PACSIN2: variants seen among roughly 807,000 people sequenced by gnomAD.
PACSIN2 encodes protein kinase C and casein kinase substrate in neurons 2, also known as protein kinase C and casein kinase substrate in neurons protein 2.
PACSIN2 carries 25 observed loss-of-function variants against 63.8 expected under a neutral mutation model. The ratio of observed to expected loss-of-function variants is 0.39; its 90% CI spans 0.29 to 0.55. PACSIN2 has a LOEUF of 0.55. PACSIN2 is among the 20% of genes least tolerant of loss of function. The pLI is 0.62. For synonymous variants in PACSIN2, 255 were observed against 256.2 expected (o/e 1.00, Z 0.05); for missense variants, 518 against 646.9 (o/e 0.80, Z 2.16).
chr22:42,879,595 C>T (rs1431236373), intron 7 of PACSIN2, among the ~76,000 whole-genome samples: 2 of 152,188 alleles, frequency 1.3e-5, no homozygotes, highest in Admixed American at 6.5e-5. Flanking sequence ...GCTGAGCCTC[C>T]CAAAGTAGAC....
intron 1 of PACSIN2, among the ~76,000 whole-genome samples, chr22:42,968,032 G>T (rs541524779): frequency 3.3e-5 from 5 of 152,314 alleles, no homozygotes; most frequent in Non-Finnish European, 7.3e-5. Context: ...TTGCAAGGTG[G>T]GAGTACTGCG....
chr22:42,917,713 C>T (rs1177523260), intron 1 of PACSIN2, among the ~76,000 whole-genome samples: 3 of 152,162 alleles, frequency 2.0e-5, no homozygotes, highest in East Asian at 1.9e-4. Flanking sequence ...CACAGTCTGT[C>T]GATCTTGGCC....
intron 2 of PACSIN2, among the ~76,000 whole-genome samples, chr22:42,901,183 T>A (rs1012494318): frequency 1.3e-5 from 2 of 151,754 alleles, no homozygotes; most frequent in Non-Finnish European, 2.9e-5. Flanking sequence ...AGAGGAAGGG[T>A]CAAGGGTGAG....
intron 1 of PACSIN2, among the ~76,000 whole-genome samples, chr22:42,978,589 A>G (rs1921864667): frequency 6.6e-6 from 1 of 152,200 alleles, no homozygotes; most frequent in Non-Finnish European, 1.5e-5. Context: ...AGCAGAAAGC[A>G]GGAAGGTTTC....
chr22:42,893,393 C>T, intron 3 of PACSIN2, 64 bp downstream of exon 3: 1 of 1,535,804 alleles, frequency 6.5e-7, no homozygotes, highest in Non-Finnish European at 8.9e-7. Flanking sequence ...TCACAACGTG[C>T]CCAGAGCCCC....
At chr22:42,937,406 C>T (rs192064374) in intron 1 of PACSIN2, among the ~76,000 whole-genome samples, 4 of 152,056 alleles carry the variant, frequency 2.6e-5, no homozygotes, top group East Asian at 3.9e-4. Context: ...CCCAGGCAGG[C>T]GGCAGTAGAA....
chr22:42,923,152 T>C (rs738384), intron 1 of PACSIN2, among the ~76,000 whole-genome samples: 51,352 of 152,170 alleles, frequency 0.34, 10,332 homozygotes, highest in Non-Finnish European at 0.45. Flanking sequence ...TTTGTACCCA[T>C]GCTACTGGTT....
At chr22:42,945,019 A>G (rs1352013351) in intron 1 of PACSIN2, among the ~76,000 whole-genome samples, 1 of 151,488 alleles carries the variant, frequency 6.6e-6, no homozygotes, top group Non-Finnish European at 1.5e-5. Flanking sequence ...AATCACTTGA[A>G]CCTGGGAGGC....
chr22:42,916,222 C>T (rs866138293), intron 1 of PACSIN2, among the ~76,000 whole-genome samples: 8 of 152,294 alleles, frequency 5.3e-5, no homozygotes, highest in Non-Finnish European at 8.8e-5. Flanking sequence ...TGTTCTTGGC[C>T]GGCACCCTGG....
intron 1 of PACSIN2, among the ~76,000 whole-genome samples, chr22:42,917,777 T>C (rs374415626): frequency 9.2e-5 from 14 of 152,092 alleles, no homozygotes; most frequent in African/African-American, 2.2e-4. Flanking sequence ...CCCTCACTGA[T>C]TGGTACTCTT....
intron 1 of PACSIN2, among the ~76,000 whole-genome samples, chr22:42,924,885 T>C (rs1487721362): frequency 6.6e-6 from 1 of 151,936 alleles, no homozygotes; most frequent in Admixed American, 6.5e-5. Context: ...GCCTCCCAAG[T>C]AGCTGGGACT....
At chr22:42,965,746 G>T (rs969874563) in intron 1 of PACSIN2, among the ~76,000 whole-genome samples, 2 of 152,176 alleles carry the variant, frequency 1.3e-5, no homozygotes, top group Non-Finnish European at 2.9e-5. Context: ...GCACCGCGAT[G>T]AAAGGCATGA....
intron 1 of PACSIN2, among the ~76,000 whole-genome samples, chr22:42,945,567 A>C (rs1368505429): frequency 6.6e-6 from 1 of 151,978 alleles, no homozygotes; most frequent in Non-Finnish European, 1.5e-5. Flanking sequence ...AAATGGTCCC[A>C]CCATTCATTC....
At chr22:42,908,554 G>A (rs886625439) in intron 2 of PACSIN2, among the ~76,000 whole-genome samples, 1 of 152,222 alleles carries the variant, frequency 6.6e-6, no homozygotes, top group African/African-American at 2.4e-5. Context: ...CTTGCCAGAA[G>A]TAGCCAAGCT....
rs572524709 is a variant in PACSIN2, at chr22:42,986,838, T to TA, written c.-78+28182dup. Among the ~76,000 whole-genome samples the TA allele has an allele frequency of 2.9e-3, 447 of 152,272 alleles. 1 individual carries two copies. Among genetic ancestry groups the TA allele is most frequent in the Non-Finnish European group, 4.3e-3 (293 of 68,012 alleles). ...AATCTCTATCCTTTTCTACCCATTC[T>TA]AAAAAAACCTTCCCGAAACCTAGAT... is the stretch of plus-strand genomic sequence containing the variant. On this transcript the variant is annotated intron_variant, in intron 1 of 10. Transcript: ENST00000263246.
intron 2 of PACSIN2, among the ~76,000 whole-genome samples, chr22:42,911,281 C>T (rs970384718): frequency 3.9e-5 from 6 of 151,938 alleles, no homozygotes; most frequent in Non-Finnish European, 8.8e-5. Context: ...CAAAAATTGA[C>T]TTCCTATAGT....
intron 1 of PACSIN2, among the ~76,000 whole-genome samples, chr22:43,008,935 G>A (rs1924273721): frequency 6.6e-6 from 1 of 152,160 alleles, no homozygotes; most frequent in African/African-American, 2.4e-5. Flanking sequence ...AAACACTCAA[G>A]CCCTACAAAC....
chr22:42,934,687 C>T (rs572035991), intron 1 of PACSIN2, among the ~76,000 whole-genome samples: 2 of 152,330 alleles, frequency 1.3e-5, no homozygotes, highest in East Asian at 1.9e-4. Flanking sequence ...CTTTGCCCAC[C>T]ACTGTCCCGT....
At chr22:42,990,399 T>C (rs1034976090) in intron 1 of PACSIN2, among the ~76,000 whole-genome samples, 6 of 152,096 alleles carry the variant, frequency 3.9e-5, no homozygotes, top group African/African-American at 1.4e-4. Flanking sequence ...AACTGCACAC[T>C]ACAATACAAA....
Sources: gnomAD v4.1 joint callset for allele counts (sites outside exome capture counted in the v4.1 genomes callset) on GRCh38, gnomAD v4.1.1 for gene constraint, MANE v1.5 for transcripts, NCBI Gene and HGNC (gene_info 2026-07-23, HGNC 2026-07-21) for gene names.